The following SEMA3A variants were observed in gnomAD, a reference collection of about 807,000 sequenced individuals.
SEMA3A encodes semaphorin-3A.
A neutral mutation model predicts 97.9 loss-of-function variants in SEMA3A; 29 were observed. The ratio of observed to expected loss-of-function variants is 0.30; its 90% CI spans 0.22 to 0.40. The LOEUF is 0.40. Ranked by LOEUF, SEMA3A falls within the 10% of genes least tolerant of loss-of-function variation. The probability of loss-of-function intolerance (pLI) is 1.00; values close to 1 mark genes in which losing one functional copy is unlikely to be tolerated. For missense variants in SEMA3A, 763 were observed against 951.3 expected, an observed-to-expected ratio of 0.80 and a Z score of 2.60; for synonymous variants, 321 against 323.7, an observed-to-expected ratio of 0.99 and a Z score of 0.09.
chr7:84,233,120 T>C (rs1799152609), intron 3 of SEMA3A, among the ~76,000 whole-genome samples: 1 of 152,060 alleles, frequency 6.6e-6, no homozygotes, highest in Admixed American at 6.6e-5. Context: ...ATGAATTAAC[T>C]TGTAACTTCT....
At chr7:84,041,745 A>G (rs1792140686) in intron 6 of SEMA3A, among the ~76,000 whole-genome samples, 1 of 152,092 alleles carries the variant, frequency 6.6e-6, no homozygotes, top group Non-Finnish European at 1.5e-5. Context: ...CTGAATGATC[A>G]CTCAGCTTCT....
chr7:84,347,964 G>A (rs961836639), intron 2 of SEMA3A, among the ~76,000 whole-genome samples: 1 of 152,022 alleles, frequency 6.6e-6, no homozygotes, highest in South Asian at 2.1e-4. Flanking sequence ...TCACTAAATC[G>A]TACATTTGAA....
intron 6 of SEMA3A, among the ~76,000 whole-genome samples, chr7:84,024,426 A>C (rs958996920): frequency 2.6e-5 from 4 of 151,748 alleles, no homozygotes; most frequent in Admixed American, 2.6e-4. Context: ...CACACCTATA[A>C]TCCCAGCTAT....
intron 2 of SEMA3A, among the ~76,000 whole-genome samples, chr7:84,345,854 T>A (rs964323992): frequency 7.9e-5 from 12 of 152,186 alleles, no homozygotes; most frequent in African/African-American, 2.9e-4. Flanking sequence ...TTTAACCTCC[T>A]CCCATGAACT....
intron 1 of SEMA3A, among the ~76,000 whole-genome samples, chr7:84,431,048 G>A (rs965929739): frequency 6.6e-6 from 1 of 151,860 alleles, no homozygotes; most frequent in Non-Finnish European, 1.5e-5. Flanking sequence ...AGCTCTAAAA[G>A]CATTAGATAT....
At chr7:84,336,783 T>C (rs1802047128) in intron 2 of SEMA3A, among the ~76,000 whole-genome samples, 1 of 152,170 alleles carries the variant, frequency 6.6e-6, no homozygotes, top group African/African-American at 2.4e-5. Context: ...TCTTCATGCA[T>C]ACACGTACAC....
intron 3 of SEMA3A, among the ~76,000 whole-genome samples, chr7:84,119,501 G>A (rs1562794033): frequency 6.6e-6 from 1 of 152,142 alleles, no homozygotes; most frequent in Non-Finnish European, 1.5e-5. Context: ...ATGTCCTGTG[G>A]ACATAAGAAG....
intron 1 of SEMA3A, among the ~76,000 whole-genome samples, chr7:84,486,892 GAAA>G (rs898913682): frequency 9.2e-5 from 14 of 151,622 alleles, no homozygotes; most frequent in African/African-American, 3.4e-4. Context: ...CATCTCACCA[GAAA>G]AAAAAGATTA....
upstream of SEMA3A, among the ~76,000 whole-genome samples, chr7:84,199,678 T>C (rs896287446): frequency 6.6e-5 from 10 of 152,246 alleles, no homozygotes; most frequent in Non-Finnish European, 1.2e-4. Flanking sequence ...CTTCTGATGT[T>C]GGAAATTCAT....
intron 4 of SEMA3A, among the ~76,000 whole-genome samples, chr7:84,073,495 T>C (rs1234103691): frequency 1.3e-5 from 2 of 152,038 alleles, no homozygotes; most frequent in Non-Finnish European, 1.5e-5. Flanking sequence ...GGAAAATAAA[T>C]GTGGGGGCCA....
intron 12 of SEMA3A, among the ~76,000 whole-genome samples, chr7:83,985,820 G>C (rs1233312124): frequency 6.6e-6 from 1 of 152,164 alleles, no homozygotes; most frequent in Non-Finnish European, 1.5e-5. Context: ...AGGTGATTGG[G>C]GGAGGGTTCA....
At chr7:84,131,634 A>G (rs1795963826) in intron 2 of SEMA3A, among the ~76,000 whole-genome samples, 1 of 152,198 alleles carries the variant, frequency 6.6e-6, no homozygotes, top group South Asian at 2.1e-4. Flanking sequence ...TTGTAAGGTC[A>G]TCAAGAATTA....
intron 4 of SEMA3A, among the ~76,000 whole-genome samples, chr7:84,071,448 T>C (rs529561909): frequency 6.6e-6 from 1 of 152,230 alleles, no homozygotes; most frequent in Admixed American, 6.6e-5. Flanking sequence ...AATTCTTTTT[T>C]AGGCCAGGAG....
intron 1 of SEMA3A, among the ~76,000 whole-genome samples, chr7:84,417,775 T>A (rs1804474390): frequency 6.6e-6 from 1 of 152,098 alleles, no homozygotes; most frequent in Non-Finnish European, 1.5e-5. Context: ...AGTAGTTATT[T>A]TTTTCATGGG....
chr7:83,977,056 A>G, intron 15 of SEMA3A, 76 bp downstream of exon 15: 2 of 750,840 alleles, frequency 2.7e-6, no homozygotes, highest in Non-Finnish European at 2.1e-6. Flanking sequence ...CATACATTGC[A>G]TGCATATGCA....
intron 1 of SEMA3A, among the ~76,000 whole-genome samples, chr7:84,447,302 G>A (rs1203465465): frequency 1.3e-5 from 2 of 152,168 alleles, no homozygotes; most frequent in Non-Finnish European, 2.9e-5. Flanking sequence ...ATGATTGATT[G>A]GTAACAGGAG....
At chr7:84,073,731 G>A (rs142880252) in intron 4 of SEMA3A, among the ~76,000 whole-genome samples, 125 of 152,112 alleles carry the variant, frequency 8.2e-4, no homozygotes, top group Non-Finnish European at 1.5e-3. Flanking sequence ...CATTATGGCC[G>A]TTTACAGGAA....
chr7:84,281,436 A>C (rs944084291), intron 3 of SEMA3A, among the ~76,000 whole-genome samples: 3 of 152,176 alleles, frequency 2.0e-5, no homozygotes, highest in Non-Finnish European at 4.4e-5. Flanking sequence ...GTTAATCAAC[A>C]TGTGGAGTTA....
chr7:84,065,825 G>T (rs1168840984), intron 4 of SEMA3A, among the ~76,000 whole-genome samples: 2 of 151,828 alleles, frequency 1.3e-5, no homozygotes, highest in Admixed American at 1.3e-4. Flanking sequence ...ATTCACAGCT[G>T]AATTCTACCA....
Sources: gnomAD v4.1 joint callset for allele counts (sites outside exome capture counted in the v4.1 genomes callset) on GRCh38, gnomAD v4.1.1 for gene constraint, MANE v1.5 for transcripts, NCBI Gene and HGNC (gene_info 2026-07-23, HGNC 2026-07-21) for gene names.